The following SUCLG1 variants were observed in gnomAD, a reference collection of about 807,000 sequenced individuals.
SUCLG1 encodes the protein succinate--CoA ligase [ADP/GDP-forming] subunit alpha, mitochondrial.
Under a neutral mutation model 37.3 loss-of-function variants are expected in SUCLG1, and 26 were observed. That is an observed-to-expected ratio of 0.70 (90% CI 0.51 to 0.97). SUCLG1 has a LOEUF of 0.97. SUCLG1 is among the 50% of genes least tolerant of loss of function. The probability of loss-of-function intolerance (pLI) is 0.00; values close to 1 mark genes in which losing one functional copy is unlikely to be tolerated. For missense variants in SUCLG1, 433 were observed against 432.9 expected (o/e 1.00, Z 0.00); for synonymous variants, 163 against 155.6 (o/e 1.05, Z -0.36).
At position 84,423,691 on chromosome 2, in the gene SUCLG1, C is replaced by A; in HGVS notation, c.*55G>T. The A allele has an allele frequency of 1.3e-6, 2 of 1,546,510 alleles. No individual in the cohort carries two copies. The highest frequency in any genetic ancestry group is 3.6e-5 in the Admixed American group (2 of 55,656). ...AGTGGACAACAGAAGCAAACTGCTG[C>A]TGGGTTACATGTCTACGTGATCCAT... On this transcript the variant is annotated 3_prime_UTR_variant, in exon 9 of 9. Coordinates refer to ENST00000393868, the MANE Select transcript of SUCLG1 (RefSeq NM_003849.4).
Position 84,441,104 on chromosome 2 carries a change from G to T in SUCLG1, c.532C>A (p.Pro178Thr), listed in dbSNP as rs772243831. 1.9e-6 allele frequency: 3 copies of T among 1,613,980 alleles called. No homozygotes were observed. In the Admixed American group the frequency reaches 5.0e-5, roughly 27 times the overall value. The change falls in exon 5 of 9, where the codon CCT becomes ACT. Residue 178 changes from proline (P) to threonine (T), a missense_variant and splice_region_variant. By Grantham distance (38) the Pro-to-Thr change is conservative. Coordinates refer to ENST00000393868, the MANE Select transcript of SUCLG1 (RefSeq NM_003849.4). ...IGPNCPGVIN[P>T]GECKIGIMPG... ...ATGATGCCAATTTTACATTCTCCAG[G>T]CTGAAAGTAATCATAGTTTTCAGAA...
intron 5 of SUCLG1, among the ~76,000 whole-genome samples, chr2:84,434,598 T>A (rs1180550043): frequency 6.6e-6 from 1 of 152,222 alleles, no homozygotes; most frequent in Non-Finnish European, 1.5e-5. Flanking sequence ...AACAAAAAAA[T>A]TAATCCAGGG....
At chr2:84,433,203 A>G (rs1485807030) in intron 6 of SUCLG1, 149 bp downstream of exon 6, 4 of 760,134 alleles carry the variant, frequency 5.3e-6, no homozygotes, top group Non-Finnish European at 9.2e-6. Context: ...GAATAACTTT[A>G]CACTTAAGCA....
In SUCLG1 at chr2:84,443,378, G is replaced by A. The variant is rs2104256792; in HGVS notation, c.224C>T (p.Ala75Val). ...AACGAGTTTGGTGCCATATTCCAAT[G>A]CCTGCTGGCTGTGAAAGGTGCCCTG... is the stretch of plus-strand genomic sequence containing the variant. ...GKQGTFHSQQ[A>V]LEYGTKLVGG... The change falls in exon 3 of 9, where the codon GCA (alanine) becomes GTA (valine). Residue 75 changes from alanine to valine, a missense_variant. Coordinates refer to ENST00000393868, the MANE Select transcript of SUCLG1 (RefSeq NM_003849.4). The A allele has an allele frequency of 6.2e-7, 1 of 1,614,116 alleles. No individual in the cohort carries two copies. Among genetic ancestry groups the A allele is most frequent in the Non-Finnish European group, 8.5e-7 (1 of 1,179,988 alleles).
intron 2 of SUCLG1, among the ~76,000 whole-genome samples, chr2:84,448,021 C>T (rs200843294): frequency 6.6e-6 from 1 of 151,934 alleles, no homozygotes; most frequent in East Asian, 1.9e-4. Flanking sequence ...TGTGGGCTAC[C>T]ACATCCTGCC....
intron 2 of SUCLG1, chr2:84,448,829 TATAA>T (rs1309746767): frequency 9.6e-6 from 2 of 209,320 alleles, no homozygotes; most frequent in African/African-American, 4.8e-5. Flanking sequence ...GATAACGTTA[TATAA>T]ATATATATAA....
At chr2:84,441,695 T>C (rs1672776290) in intron 3 of SUCLG1, among the ~76,000 whole-genome samples, 1 of 152,142 alleles carries the variant, frequency 6.6e-6, no homozygotes, top group African/African-American at 2.4e-5. Context: ...GACATCTCAC[T>C]CTCTATGGCA....
At chr2:84,430,873 C>T (rs546338806) in intron 7 of SUCLG1, among the ~76,000 whole-genome samples, 1 of 152,230 alleles carries the variant, frequency 6.6e-6, no homozygotes, top group South Asian at 2.1e-4. Context: ...CAGTCACTAC[C>T]GCACCCCCAT....
chr2:84,452,607 A>T (rs1672957304), intron 1 of SUCLG1, among the ~76,000 whole-genome samples: 1 of 152,106 alleles, frequency 6.6e-6, no homozygotes, highest in African/African-American at 2.4e-5. Flanking sequence ...ATCACACACT[A>T]CATTACTGAG....
chr2:84,436,787 T>C (rs1672692532), intron 5 of SUCLG1, among the ~76,000 whole-genome samples: 1 of 152,212 alleles, frequency 6.6e-6, no homozygotes, highest in South Asian at 2.1e-4. Flanking sequence ...TGAGATTCTA[T>C]AGCAGCTACC....
chr2:84,441,966 T>C (rs1231777735), intron 3 of SUCLG1, among the ~76,000 whole-genome samples: 1 of 152,188 alleles, frequency 6.6e-6, no homozygotes, highest in Non-Finnish European at 1.5e-5. Flanking sequence ...GAAGCTATAC[T>C]GTGACAACAG....
chr2:84,442,090 T>C (rs138566196), intron 3 of SUCLG1, among the ~76,000 whole-genome samples: 288 of 151,510 alleles, frequency 1.9e-3, no homozygotes, highest in African/African-American at 6.8e-3. Flanking sequence ...AAAAAACTTA[T>C]AGAATATTCC....
intron 1 of SUCLG1, among the ~76,000 whole-genome samples, chr2:84,453,483 C>T (rs71390174): frequency 2.0e-5 from 3 of 152,002 alleles, no homozygotes; most frequent in South Asian, 2.1e-4. Context: ...GGCACGATCC[C>T]GGCTCACTGC....
chr2:84,435,666 G>T (rs1672677038), intron 5 of SUCLG1, among the ~76,000 whole-genome samples: 1 of 152,168 alleles, frequency 6.6e-6, no homozygotes, highest in African/African-American at 2.4e-5. Flanking sequence ...GTGTATACTA[G>T]CATGTACAAC....
intron 7 of SUCLG1, chr2:84,425,936 A>AC: frequency 2.8e-6 from 1 of 358,908 alleles, no homozygotes; most frequent in Non-Finnish European, 5.3e-6. Flanking sequence ...ATAATTTAAG[A>AC]CACAAGACTG....
In SUCLG1 at chr2:84,425,560, G is replaced by C; in HGVS notation, c.869C>G (p.Thr290Ser). ...ACCCATTCTTCTCCCAGGAGGAGCA[G>C]TTAAACCAGCAATGAAGGACACTAC... ...KPVVSFIAGLTAPPGRRMGHA... is the reference protein window; with the variant it reads ...KPVVSFIAGLSAPPGRRMGHA... Residue 290 changes from threonine (T) to serine (S), a missense_variant, in exon 8 of 9, where the codon ACT becomes AGT. Coordinates refer to ENST00000393868, the MANE Select transcript of SUCLG1 (RefSeq NM_003849.4). 6.2e-7 allele frequency: 1 copy of C among 1,614,214 alleles called. No individual in the cohort carries two copies. The highest frequency in any genetic ancestry group is 1.1e-5 in the South Asian group (1 of 91,086).
chr2:84,458,684 T>A (rs1419776756), intron 1 of SUCLG1: 1 of 153,316 alleles, frequency 6.5e-6, no homozygotes, highest in African/African-American at 2.4e-5. Context: ...TGACATACAA[T>A]CCTGCAGAGG....
chr2:84,449,213 G>A (rs1159085304), intron 2 of SUCLG1, among the ~76,000 whole-genome samples: 1 of 152,184 alleles, frequency 6.6e-6, no homozygotes, highest in East Asian at 1.9e-4. Flanking sequence ...GTATCCATGA[G>A]CCTCTCTGGG....
intron 8 of SUCLG1, among the ~76,000 whole-genome samples, chr2:84,424,853 C>T (rs1672510829): frequency 6.6e-6 from 1 of 152,112 alleles, no homozygotes; most frequent in South Asian, 2.1e-4. Flanking sequence ...AAAAGCAAAA[C>T]AAACAAACAA....
Sources: gnomAD v4.1 joint callset for allele counts (sites outside exome capture counted in the v4.1 genomes callset) on GRCh38, gnomAD v4.1.1 for gene constraint, MANE v1.5 for transcripts, NCBI Gene and HGNC (gene_info 2026-07-23, HGNC 2026-07-21) for gene names.